CNR2: variants seen among roughly 807,000 people sequenced by gnomAD.
The protein encoded by CNR2 is cannabinoid receptor 2 (macrophage).
For missense variants in CNR2, 379 were observed against 439.9 expected (o/e 0.86, Z 1.24); for synonymous variants, 172 against 182.2 (o/e 0.94, Z 0.45).
At chr1:23,902,853 C>T (rs1640425321) in intron 1 of CNR2, 14 of 1,219,526 alleles carry the variant, frequency 1.1e-5, no homozygotes, top group Admixed American at 4.5e-5. Context: ...ACGGCGGCGC[C>T]GGCGTTGCTG....
intron 1 of CNR2, chr1:23,902,715 G>A (rs1640421558): frequency 1.1e-5 from 18 of 1,585,800 alleles, no homozygotes; most frequent in Admixed American, 1.7e-5. Context: ...GAACATGAGC[G>A]CGTTCCTCTC....
Position 23,874,660 on chromosome 1 carries a change from A to G in CNR2, c.958T>C (p.Cys320Arg), listed in dbSNP as rs778764026. 2 of 1,613,900 alleles carry G rather than the reference A, an allele frequency of 1.2e-6. No individual in the cohort carries two copies. Among genetic ancestry groups the G allele is most frequent in the Non-Finnish European group, 1.7e-6 (2 of 1,179,938 alleles). The change falls in exon 2 of 2, where the codon TGT (cysteine) becomes CGT (arginine). Residue 320 changes from cysteine (C) to arginine (R), a missense_variant. By Grantham distance (180) the Cys-to-Arg change is radical. Transcript: ENST00000374472. ...GCCTCTGACCCAAGGCCCCTCACAC[A>G]CTTCTTCCAGTGAGCCAGGCAGTGA... is the stretch of plus-strand genomic sequence containing the variant. The part of the protein sequence containing the change: ...AHHCLAHWKK[C>R]VRGLGSEAKE...
Position 23,872,382 on chromosome 1 carries a change from G to T in CNR2, c.*2153C>A, listed in dbSNP as rs982364487. 2 of 152,030 alleles carry T rather than the reference G, an allele frequency of 1.3e-5. No individual in the cohort carries two copies. The highest frequency in any genetic ancestry group is 1.5e-5 in the Non-Finnish European group (1 of 68,026). The allele number at this position is 152,030 out of a possible 1,614,324, so 9.4% of individuals were successfully genotyped here. On this transcript the variant is annotated 3_prime_UTR_variant, in exon 2 of 2. Coordinates refer to ENST00000374472, the MANE Select transcript of CNR2 (RefSeq NM_001841.3). ...TTTCTGTTGATAAGCCACTGGATTT[G>T]TGAAATTTATTACAGGAGATTAATA... is the stretch of plus-strand genomic sequence containing the variant.
At chr1:23,902,737 G>A in intron 1 of CNR2, 1 of 1,552,568 alleles carries the variant, frequency 6.4e-7, no homozygotes, top group Non-Finnish European at 8.6e-7. Context: ...CGCAGCGTGG[G>A]GGACCGCGCC....
Position 23,874,604 on chromosome 1 carries a change from G to C in CNR2, c.1014C>G (p.Thr338=), listed in dbSNP as rs2229581. 0.59 allele frequency: 957,866 copies of C among 1,613,604 alleles called. 287,051 individuals are homozygous for C. The highest frequency in any genetic ancestry group is 0.76 in the African/African-American group (57,001 of 74,960). ...TGATTTTCCCATCAGCCTCTGTCTC[G>C]GTGACTGAGGATCTCGGGGCTTCTT... ...AKEEAPRSSV[T]ETEADGKITP... Residue 338 remains threonine, a synonymous_variant, in exon 2 of 2, where the codon ACC becomes ACG. Transcript: ENST00000374472.
Position 23,874,959 on chromosome 1 carries a change from A to G in CNR2, c.659T>C (p.Val220Ala). 1 of 1,610,562 alleles carries G rather than the reference A, an allele frequency of 6.2e-7. No individual in the cohort carries two copies. Residue 220 changes from valine to alanine, a missense_variant, in exon 2 of 2, where the codon GTG (valine) becomes GCG (alanine). By Grantham distance (64) the Val-to-Ala change is moderately conservative. Coordinates refer to ENST00000374472, the MANE Select transcript of CNR2 (RefSeq NM_001841.3). ...GHVLWKAHQH[V>A]ASLSGHQDRQ... is the part of the protein sequence containing the mutation. ...GTCCTGGTGGCCAGACAAGCTGGCC[A>G]CATGCTGATGGGCCTTCCAGAGAAC...
chr1:23,899,824 GAAAAGAAAAAAA>G (rs1640356267), intron 1 of CNR2, among the ~76,000 whole-genome samples: 1 of 1,636 alleles, frequency 6.1e-4, no homozygotes, highest in African/African-American at 9.0e-4. Flanking sequence ...AAGAAAGAAA[GAAAAGAAAAAAA>G]AGAAAGAAAA....
In CNR2 at chr1:23,875,328, A is replaced by G. The variant is rs1449343871; in HGVS notation, c.290T>C (p.Phe97Ser). The G allele has an allele frequency of 1.2e-6, 2 of 1,614,202 alleles. No individual in the cohort carries two copies. Residue 97 changes from phenylalanine to serine, a missense_variant, in exon 2 of 2, where the codon TTC becomes TCC. By Grantham distance (155) the Phe-to-Ser change is radical. Coordinates refer to ENST00000374472, the MANE Select transcript of CNR2 (RefSeq NM_001841.3). ...GACAGCCTTGGAATCCACACCATGG[A>G]AAACATGGAAATTCACAAAGCTGCA... The part of the protein sequence containing the change: ...FACSFVNFHV[F>S]HGVDSKAVFL...
At chr1:23,898,930 G>T (rs1374259756) in intron 1 of CNR2, among the ~76,000 whole-genome samples, 1 of 152,054 alleles carries the variant, frequency 6.6e-6, no homozygotes, top group Non-Finnish European at 1.5e-5. Context: ...TGGGATAACA[G>T]GCGTGAGCCA....
At position 23,902,785 on chromosome 1, in the gene CNR2, CTG is replaced by C. The variant is rs1406848353; in HGVS notation, c.-46+10459_-46+10460del. 5.4e-3 allele frequency: 7,947 copies of C among 1,459,318 alleles called. 38 individuals carry two copies. The highest frequency in any genetic ancestry group is 6.8e-3 in the Admixed American group (263 of 38,878). 90.4% of individuals were successfully genotyped at this position (1,459,318 alleles called of 1,614,324 possible). On this transcript the variant is annotated intron_variant, in intron 1 of 1. Transcript: ENST00000374472. ...CCGGGTGGTTGTTGCCAAGTGTGGG[CTG>C]CGCGGGCGCGGGCGCGGGGGCGCGG... is the stretch of plus-strand genomic sequence containing the variant.
At position 23,891,275 on chromosome 1, in the gene CNR2, T is replaced by TTGTGTGTGTGTGTGTGTGTGTG. The variant is rs57856234; in HGVS notation, c.-45-15635_-45-15614dup. On this transcript the variant is annotated intron_variant, in intron 1 of 1. Transcript: ENST00000374472. ...CTGTGGGGTTTTTTGACCAAATCTTTTGTGTGTGTGTGTGTGTGTGTGTGT... is the reference window on the plus strand; with the variant it reads ...CTGTGGGGTTTTTTGACCAAATCTTTTGTGTGTGTGTGTGTGTGTGTGTGTGTGTGTGTGTGTGTGTGTGTGT... Among the ~76,000 whole-genome samples the TTGTGTGTGTGTGTGTGTGTGTG allele has an allele frequency of 1.5e-3, 220 of 150,420 alleles. 2 individuals are homozygous for TTGTGTGTGTGTGTGTGTGTGTG. The highest frequency in any genetic ancestry group is 5.2e-3 in the African/African-American group (214 of 40,840).
rs75146271 is a variant in CNR2, at chr1:23,909,756, C to T, written c.-46+3490G>A. ...GTTGTCCATGTGATGGCATCTGAAACGCAGCCTGGCGAGCGACACAGTAAA... is the reference window on the plus strand; with the variant it reads ...GTTGTCCATGTGATGGCATCTGAAATGCAGCCTGGCGAGCGACACAGTAAA... On this transcript the variant is annotated intron_variant, in intron 1 of 1. Transcript: ENST00000374472. Among the ~76,000 whole-genome samples the T allele has an allele frequency of 7.9e-5, 12 of 152,206 alleles. No homozygotes were observed. The East Asian group carries it at 1.3e-3, about 17-fold the overall frequency.
intron 1 of CNR2, among the ~76,000 whole-genome samples, chr1:23,891,275 T>TTGTG (rs57856234): frequency 5.5e-4 from 83 of 150,432 alleles, no homozygotes; most frequent in African/African-American, 1.8e-3. Flanking sequence ...ACCAAATCTT[T>TTGTG]TGTGTGTGTG....
Position 23,874,992 on chromosome 1 carries a change from T to A in CNR2, c.626A>T (p.Tyr209Phe). ...ATGGGCCTTCCAGAGAACATGCCCA[T>A]AGGTGTAGATGATTCCGGAAAAGAG... ...AFLFSGIIYT[Y>F]GHVLWKAHQH... Residue 209 changes from tyrosine to phenylalanine, a missense_variant, in exon 2 of 2, where the codon TAT (tyrosine) becomes TTT (phenylalanine). Physicochemically the swap from Tyr to Phe is conservative, Grantham distance 22. Coordinates refer to ENST00000374472, the MANE Select transcript of CNR2 (RefSeq NM_001841.3). The A allele has an allele frequency of 6.2e-7, 1 of 1,610,202 alleles. No individual in the cohort carries two copies. The highest frequency in any genetic ancestry group is 1.1e-5 in the South Asian group (1 of 90,476).
chr1:23,891,225 G>A (rs1640183896), intron 1 of CNR2, among the ~76,000 whole-genome samples: 1 of 151,866 alleles, frequency 6.6e-6, no homozygotes, highest in South Asian at 2.1e-4. Flanking sequence ...TTGTAATAAA[G>A]TTTTCTGGGA....
At chr1:23,901,590 C>G (rs1342572648) in intron 1 of CNR2, 5 of 1,612,604 alleles carry the variant, frequency 3.1e-6, no homozygotes, top group Non-Finnish European at 4.2e-6. Flanking sequence ...GTCATCCCCT[C>G]CTGCCCAAAG....
intron 1 of CNR2, among the ~76,000 whole-genome samples, chr1:23,881,892 TAA>T (rs79165853): frequency 6.8e-6 from 1 of 146,990 alleles, no homozygotes. Flanking sequence ...ACTTTGTCTT[TAA>T]AAAAAAAAAT....
At position 23,888,926 on chromosome 1, in the gene CNR2, G is replaced by A. The variant is rs200119476; in HGVS notation, c.-45-13264C>T. On this transcript the variant is annotated intron_variant, in intron 1 of 1. Coordinates refer to ENST00000374472, the MANE Select transcript of CNR2 (RefSeq NM_001841.3). ...AGAGGTTGCAGTGAGCTGAGATTGCGCCACTGCACTCCAGCCTGGGCAATA... is the reference window on the plus strand; with the variant it reads ...AGAGGTTGCAGTGAGCTGAGATTGCACCACTGCACTCCAGCCTGGGCAATA... Among the ~76,000 whole-genome samples the A allele has an allele frequency of 2.3e-4, 35 of 152,058 alleles. No individual in the cohort carries two copies. The East Asian group carries it at 6.0e-3, about 26-fold the overall frequency.
At chr1:23,880,937 C>G (rs1181507311) in intron 1 of CNR2, among the ~76,000 whole-genome samples, 1 of 150,226 alleles carries the variant, frequency 6.7e-6, no homozygotes, top group Non-Finnish European at 1.5e-5. Flanking sequence ...ATAAAATGAT[C>G]TGTTGTATAA....
Sources: gnomAD v4.1 joint callset for allele counts (sites outside exome capture counted in the v4.1 genomes callset) on GRCh38, gnomAD v4.1.1 for gene constraint, MANE v1.5 for transcripts, NCBI Gene and HGNC (gene_info 2026-07-23, HGNC 2026-07-21) for gene names.